Variants in ATP9B observed in about 807,000 individuals in gnomAD.
ATP9B encodes the protein probable phospholipid-transporting ATPase IIB.
Under a neutral mutation model 146.1 loss-of-function variants are expected in ATP9B, and 110 were observed. That is an observed-to-expected ratio of 0.75 (90% CI 0.65 to 0.88). The LOEUF is 0.88. Among genes scored for constraint, ATP9B ranks in the 40% least tolerant of loss-of-function variants. The pLI is 0.00. For missense variants in ATP9B, 1,499 were observed against 1,496.4 expected (o/e 1.00, Z -0.03); for synonymous variants, 604 against 569.7 (o/e 1.06, Z -0.86).
intron 8 of ATP9B, among the ~76,000 whole-genome samples, chr18:79,179,807 A>G (rs2095228644): frequency 1.3e-5 from 2 of 152,188 alleles, no homozygotes; most frequent in Non-Finnish European, 2.9e-5. Flanking sequence ...AGGTCAAGCT[A>G]ATGGAAAGTG....
At chr18:79,332,212 G>A (rs946166220) in intron 17 of ATP9B, among the ~76,000 whole-genome samples, 8 of 152,184 alleles carry the variant, frequency 5.3e-5, no homozygotes, top group Non-Finnish European at 8.8e-5. Flanking sequence ...GGCAGATCAC[G>A]AGGTCAGGAG....
chr18:79,270,593 C>T (rs534197120), intron 12 of ATP9B, among the ~76,000 whole-genome samples: 3 of 152,126 alleles, frequency 2.0e-5, no homozygotes, highest in Non-Finnish European at 2.9e-5. Flanking sequence ...TCTGTACCTG[C>T]AAACCCTAAT....
At chr18:79,267,668 A>G (rs528874613) in intron 12 of ATP9B, among the ~76,000 whole-genome samples, 1 of 152,260 alleles carries the variant, frequency 6.6e-6, no homozygotes, top group South Asian at 2.1e-4. Context: ...GAAATTTCTA[A>G]TACATCTTTG....
chr18:79,142,482 G>A (rs9947482), intron 5 of ATP9B, among the ~76,000 whole-genome samples: 46,648 of 152,036 alleles, frequency 0.31, 9,206 homozygotes, highest in African/African-American at 0.57. Flanking sequence ...TAGGAGAGAG[G>A]GTGAAATTAG....
At chr18:79,131,388 A>G (rs1424974609) in intron 5 of ATP9B, among the ~76,000 whole-genome samples, 1 of 152,244 alleles carries the variant, frequency 6.6e-6, no homozygotes, top group Non-Finnish European at 1.5e-5. Flanking sequence ...AATTCTCCGA[A>G]GAAAATATAC....
chr18:79,263,324 G>C (rs761998617), intron 12 of ATP9B, among the ~76,000 whole-genome samples: 2 of 152,254 alleles, frequency 1.3e-5, no homozygotes, highest in East Asian at 3.9e-4. Flanking sequence ...AAACCTACCC[G>C]TGGGACAAGT....
chr18:79,173,680 T>C (rs570557043), intron 7 of ATP9B: 90 of 455,956 alleles, frequency 2.0e-4, no homozygotes, highest in African/African-American at 1.7e-3. Context: ...TCCATTGATC[T>C]GTGTTTCTGT....
chr18:79,109,619 G>A (rs1217659272), intron 2 of ATP9B, among the ~76,000 whole-genome samples: 1 of 148,236 alleles, frequency 6.7e-6, no homozygotes, highest in Non-Finnish European at 1.5e-5. Flanking sequence ...AGGCTGAAGT[G>A]CAGTGGCATT....
At position 79,329,391 on chromosome 18, in the gene ATP9B, A is replaced by G. The variant is rs111526213; in HGVS notation, c.1935+89A>G. The G allele has an allele frequency of 1.3e-3, 1,846 of 1,377,094 alleles. 10 individuals carry two copies. The African/African-American group carries it at 0.023, about 17-fold the overall frequency. The allele number at this position is 1,377,094 out of a possible 1,614,324, so 85.3% of individuals were successfully genotyped here. On this transcript the variant is annotated intron_variant, in intron 16 of 29. Transcript: ENST00000426216. ...ACAGATTTTCCCAAAAGAAAGTTAA[A>G]CATTTACTCAGGTGCTTTATGCTGT...
At chr18:79,109,198 CTT>C (rs1468145957) in intron 2 of ATP9B, among the ~76,000 whole-genome samples, 5 of 152,152 alleles carry the variant, frequency 3.3e-5, no homozygotes, top group Non-Finnish European at 1.5e-5. Context: ...TAACAACTTC[CTT>C]TAGTAAGCCA....
In ATP9B at chr18:79,290,560, C is replaced by A. The variant is rs375103082; in HGVS notation, c.1412-13044C>A. ...AGGAAAGGGAACTCCCTGACCCTTG[C>A]TCTTCCCGAGTGAGGCAATGCCTCG... On this transcript the variant is annotated intron_variant, in intron 13 of 29. Coordinates refer to ENST00000426216, the MANE Select transcript of ATP9B (RefSeq NM_198531.5). 9.2e-3 allele frequency among the ~76,000 whole-genome samples: 1,397 copies of A among 152,350 alleles called. 7 individuals are homozygous for A. The highest frequency in any genetic ancestry group is 0.024 in the African/African-American group (995 of 41,584).
intron 11 of ATP9B, among the ~76,000 whole-genome samples, chr18:79,214,735 A>G (rs1331081505): frequency 6.6e-6 from 1 of 152,248 alleles, no homozygotes; most frequent in African/African-American, 2.4e-5. Context: ...GTGCATTTAG[A>G]TGAAACAAAA....
chr18:79,223,754 A>G (rs2095703070), intron 11 of ATP9B, among the ~76,000 whole-genome samples: 1 of 152,216 alleles, frequency 6.6e-6, no homozygotes, highest in Non-Finnish European at 1.5e-5. Flanking sequence ...GTAGTTCTTC[A>G]TCTGCAGTGT....
intron 4 of ATP9B, among the ~76,000 whole-genome samples, chr18:79,122,682 T>C (rs2094210277): frequency 6.6e-6 from 1 of 152,194 alleles, no homozygotes; most frequent in Non-Finnish European, 1.5e-5. Flanking sequence ...CAGCACCAAC[T>C]TTCTTAGAAC....
chr18:79,325,238 A>G (rs1241881025), intron 15 of ATP9B, among the ~76,000 whole-genome samples: 3 of 152,140 alleles, frequency 2.0e-5, no homozygotes, highest in African/African-American at 4.8e-5. Context: ...TGGGATGCAG[A>G]TGAAGAACTT....
chr18:79,221,868 G>A (rs1265330683), intron 11 of ATP9B, among the ~76,000 whole-genome samples: 1 of 103,400 alleles, frequency 9.7e-6, no homozygotes, highest in Non-Finnish European at 1.9e-5. Context: ...AACTTCTTTG[G>A]CCAATTTTTT....
At chr18:79,157,414 A>AACAAACAAAC (rs1277711593) in intron 7 of ATP9B, among the ~76,000 whole-genome samples, 5 of 145,232 alleles carry the variant, frequency 3.4e-5, no homozygotes, top group South Asian at 2.1e-4. Flanking sequence ...AAAAAAAAAA[A>AACAAACAAAC]AAAAAAAAAA....
intron 12 of ATP9B, among the ~76,000 whole-genome samples, chr18:79,273,883 C>T (rs2096280634): frequency 6.6e-6 from 1 of 152,202 alleles, no homozygotes; most frequent in Admixed American, 6.5e-5. Context: ...CTTCCTGTAG[C>T]ATAAAACAGG....
chr18:79,366,465 A>C (rs140648296), intron 26 of ATP9B, among the ~76,000 whole-genome samples: 8 of 152,332 alleles, frequency 5.3e-5, no homozygotes, highest in African/African-American at 1.9e-4. Flanking sequence ...TGCGTTTGGC[A>C]TTTGCTTCTT....
Sources: allele counts gnomAD v4.1 joint callset (sites outside exome capture counted in the v4.1 genomes callset), GRCh38; gene constraint gnomAD v4.1.1; transcripts MANE v1.5; gene names NCBI Gene and HGNC (gene_info 2026-07-23, HGNC 2026-07-21).